Variants in RMST observed in about 807,000 individuals in gnomAD.
RMST encodes long intergenic non-protein coding RNA 54.
intron 10 of RMST, among the ~76,000 whole-genome samples, chr12:97,504,737 T>C (rs1319793476): frequency 1.3e-5 from 2 of 152,222 alleles, no homozygotes; most frequent in Non-Finnish European, 2.9e-5. Context: ...ACATTTATTT[T>C]AAATATTTGT....
intron 11 of RMST, among the ~76,000 whole-genome samples, chr12:97,542,453 G>C (rs567513832): frequency 3.3e-5 from 5 of 151,776 alleles, no homozygotes; most frequent in Non-Finnish European, 5.9e-5. Context: ...AGGACTTCTC[G>C]AAAAAGAGAA....
chr12:97,487,007 A>C (rs1190335374), intron 5 of RMST, among the ~76,000 whole-genome samples: 1 of 152,226 alleles, frequency 6.6e-6, no homozygotes, highest in Non-Finnish European at 1.5e-5. Flanking sequence ...CTGAGATTCC[A>C]GTTCCGTCCC....
intron 5 of RMST, among the ~76,000 whole-genome samples, chr12:97,486,056 A>G (rs913281555): frequency 6.6e-6 from 1 of 152,226 alleles, no homozygotes; most frequent in Non-Finnish European, 1.5e-5. Context: ...TATTTATTCT[A>G]CAATACTAGC....
chr12:97,514,518 TTCTATGCCATATCTATA>T (rs1264718098), intron 10 of RMST, among the ~76,000 whole-genome samples: 1 of 152,190 alleles, frequency 6.6e-6, no homozygotes, highest in African/African-American at 2.4e-5. Flanking sequence ...AAATATTAAT[TTCTATGCCATATCTATA>T]TCTATATATT....
intron 10 of RMST, among the ~76,000 whole-genome samples, chr12:97,521,458 TAC>T (rs2136551403): frequency 6.6e-6 from 1 of 152,292 alleles, no homozygotes; most frequent in African/African-American, 2.4e-5. Context: ...ATATATAATA[TAC>T]TAATAACCAT....
intron 4 of RMST, among the ~76,000 whole-genome samples, chr12:97,463,472 G>A (rs1224321053): frequency 1.3e-5 from 2 of 152,168 alleles, no homozygotes; most frequent in African/African-American, 4.8e-5. Context: ...AAGTGTGAGC[G>A]GAGCTGAGTG....
rs9331504 is a variant in RMST at position 97,561,629 on chromosome 12, CTTTTTTTTTTTT to C, written n.1958+600_1958+611del. 8.3e-4 allele frequency among the ~76,000 whole-genome samples: 47 copies of C among 56,680 alleles called. 1 individual carries two copies. Among genetic ancestry groups the C allele is most frequent in the African/African-American group, 2.7e-3 (37 of 13,564 alleles). 37.2% of individuals were successfully genotyped at this position (56,680 alleles called of 152,430 possible). ...TTTCAGTGTGAAATTAGTTTGAAGG[CTTTTTTTTTTTT>C]TTTTTTTTTTTTTTTTTGTGCCTGG... On this transcript the variant is annotated intron_variant and non_coding_transcript_variant, in intron 13 of 13. Transcript: ENST00000640149.
chr12:97,482,833 A>T (rs1875584033), intron 5 of RMST, among the ~76,000 whole-genome samples: 2 of 146,648 alleles, frequency 1.4e-5, no homozygotes, highest in Admixed American at 1.4e-4. Flanking sequence ...TATTTATTAA[A>T]TAAATTTATT....
At chr12:97,483,523 C>T (rs1329676767) in intron 5 of RMST, 1 of 152,016 alleles carries the variant, frequency 6.6e-6, no homozygotes, top group Non-Finnish European at 1.5e-5. Flanking sequence ...ATGGCTATGT[C>T]CCTCCATTTA....
At chr12:97,511,928 A>G (rs193287953) in intron 10 of RMST, among the ~76,000 whole-genome samples, 30 of 152,330 alleles carry the variant, frequency 2.0e-4, no homozygotes, top group African/African-American at 6.3e-4. Flanking sequence ...CAACAAGACA[A>G]TATTCAATAG....
At chr12:97,513,079 G>C (rs909764366) in intron 10 of RMST, among the ~76,000 whole-genome samples, 2 of 152,210 alleles carry the variant, frequency 1.3e-5, no homozygotes, top group Non-Finnish European at 2.9e-5. Flanking sequence ...GCGCAGGCCC[G>C]CAAGCACCGC....
At chr12:97,465,674 A>G (rs1192726664) in exon 5 of RMST, 1 of 152,178 alleles carries the variant, frequency 6.6e-6, no homozygotes, top group East Asian at 1.9e-4. Flanking sequence ...CCAGCGCTGA[A>G]TATCTTCAGG....
At chr12:97,530,171 A>G (rs1053077416) in intron 10 of RMST, among the ~76,000 whole-genome samples, 1 of 152,104 alleles carries the variant, frequency 6.6e-6, no homozygotes, top group Non-Finnish European at 1.5e-5. Flanking sequence ...AGAGGTAGAG[A>G]AGAAAATATT....
intron 10 of RMST, among the ~76,000 whole-genome samples, chr12:97,501,500 G>A (rs573112052): frequency 2.0e-5 from 3 of 152,262 alleles, no homozygotes; most frequent in Non-Finnish European, 4.4e-5. Context: ...CAGGCTCATT[G>A]TTGTGTTGAT....
At chr12:97,521,122 G>A (rs548053624) in intron 10 of RMST, among the ~76,000 whole-genome samples, 112 of 152,282 alleles carry the variant, frequency 7.4e-4, no homozygotes, top group Non-Finnish European at 1.4e-3. Flanking sequence ...ATCATTTAGA[G>A]TTATGATTAA....
At chr12:97,464,569 A>G (rs890572975) in intron 4 of RMST, among the ~76,000 whole-genome samples, 4 of 152,154 alleles carry the variant, frequency 2.6e-5, no homozygotes, top group African/African-American at 9.7e-5. Flanking sequence ...TGACTTTTTC[A>G]TTGTGGCACC....
chr12:97,470,511 C>T (rs748319078), intron 5 of RMST, among the ~76,000 whole-genome samples: 6 of 151,918 alleles, frequency 3.9e-5, no homozygotes, highest in Admixed American at 6.6e-5. Context: ...CTCCTAAAAT[C>T]ATAACCTAAG....
chr12:97,464,026 C>T (rs933474873), intron 4 of RMST, among the ~76,000 whole-genome samples: 1 of 151,844 alleles, frequency 6.6e-6, no homozygotes, highest in Non-Finnish European at 1.5e-5. Context: ...ATGAATGAGT[C>T]GCACGCTAAA....
Position 97,517,501 on chromosome 12 carries a change from C to CAT in RMST, n.1341-13144_1341-13143dup, listed in dbSNP as rs145939776. Among the ~76,000 whole-genome samples the CAT allele has an allele frequency of 2.8e-3, 422 of 151,682 alleles. 2 individuals carry two copies. The highest frequency in any genetic ancestry group is 9.2e-3 in the African/African-American group (383 of 41,410). On this transcript the variant is annotated intron_variant and non_coding_transcript_variant, in intron 10 of 13. Transcript: ENST00000640149. ...AGGTTTTTCTTTAAAGAAAGAAAAA[C>CAT]ATATATATATACACATAGAAACACT...
Sources: allele counts gnomAD v4.1 joint callset (sites outside exome capture counted in the v4.1 genomes callset), GRCh38; gene constraint gnomAD v4.1.1; transcripts MANE v1.5; gene names NCBI Gene and HGNC (gene_info 2026-07-23, HGNC 2026-07-21).